The following KIAA1328 variants were observed in gnomAD, a reference collection of about 807,000 sequenced individuals.
The protein encoded by KIAA1328 is protein hinderin.
A neutral mutation model predicts 68.1 loss-of-function variants in KIAA1328; 52 were observed. The observed-to-expected ratio is 0.76, with a 90% CI of 0.61 to 0.96. The LOEUF is 0.96. Ranked by LOEUF, KIAA1328 falls within the 40% of genes least tolerant of loss-of-function variation. The pLI, the probability that KIAA1328 is intolerant of heterozygous loss-of-function variation, is 0.00. For synonymous variants in KIAA1328, 232 were observed against 239.4 expected, an observed-to-expected ratio of 0.97 and a Z score of 0.28; for missense variants, 641 against 677.6, an observed-to-expected ratio of 0.95 and a Z score of 0.60.
At chr18:36,985,944 A>G (rs550898349) in intron 6 of KIAA1328, among the ~76,000 whole-genome samples, 5 of 152,342 alleles carry the variant, frequency 3.3e-5, no homozygotes, top group African/African-American at 9.6e-5. Flanking sequence ...TACAATGACC[A>G]AAATTAAAAA....
chr18:37,074,386 T>C (rs557176724), intron 7 of KIAA1328, among the ~76,000 whole-genome samples: 6 of 152,292 alleles, frequency 3.9e-5, no homozygotes, highest in African/African-American at 1.4e-4. Context: ...TGTACAGGGG[T>C]AGACAGAAGT....
chr18:36,903,088 TA>T (rs906549959), intron 5 of KIAA1328, among the ~76,000 whole-genome samples: 1 of 151,992 alleles, frequency 6.6e-6, no homozygotes, highest in African/African-American at 2.4e-5. Flanking sequence ...TTCCTGACTT[TA>T]AAAAAATACA....
intron 5 of KIAA1328, among the ~76,000 whole-genome samples, chr18:36,920,268 G>A (rs1281809134): frequency 6.6e-6 from 1 of 152,144 alleles, no homozygotes; most frequent in East Asian, 1.9e-4. Flanking sequence ...TCCTGCATGT[G>A]GCTAGGCAGT....
At chr18:36,969,095 A>G (rs2052063559) in intron 6 of KIAA1328, among the ~76,000 whole-genome samples, 1 of 152,210 alleles carries the variant, frequency 6.6e-6, no homozygotes, top group Non-Finnish European at 1.5e-5. Flanking sequence ...ATGATTGAGA[A>G]CAAAGGTACA....
At chr18:37,179,199 C>T (rs959326993) in intron 9 of KIAA1328, among the ~76,000 whole-genome samples, 1 of 152,152 alleles carries the variant, frequency 6.6e-6, no homozygotes, top group African/African-American at 2.4e-5. Context: ...TCCATAGTTT[C>T]AGGACTTACA....
intron 5 of KIAA1328, among the ~76,000 whole-genome samples, chr18:36,932,530 T>G (rs1034067046): frequency 9.9e-5 from 15 of 152,208 alleles, no homozygotes; most frequent in Non-Finnish European, 1.8e-4. Flanking sequence ...GGCCAAGATT[T>G]TATTTAAGTA....
At chr18:36,859,415 A>C (rs1271192161) in intron 4 of KIAA1328, among the ~76,000 whole-genome samples, 1 of 150,740 alleles carries the variant, frequency 6.6e-6, no homozygotes, top group Admixed American at 6.6e-5. Flanking sequence ...AGTTGTTCAG[A>C]GTTGATTATT....
At chr18:37,114,078 C>T (rs1289004819) in intron 7 of KIAA1328, among the ~76,000 whole-genome samples, 1 of 152,210 alleles carries the variant, frequency 6.6e-6, no homozygotes, top group Non-Finnish European at 1.5e-5. Flanking sequence ...TAACAACCCA[C>T]TGTCAACATT....
chr18:37,064,359 T>C (rs1211814232), intron 6 of KIAA1328, among the ~76,000 whole-genome samples: 1 of 152,210 alleles, frequency 6.6e-6, no homozygotes, highest in Non-Finnish European at 1.5e-5. Flanking sequence ...GTTGATACTT[T>C]TTACCCATCA....
chr18:36,969,987 T>C (rs530668951), intron 6 of KIAA1328, among the ~76,000 whole-genome samples: 9 of 152,308 alleles, frequency 5.9e-5, no homozygotes, highest in South Asian at 2.1e-4. Flanking sequence ...TACCAAAACC[T>C]GGCAGAGACA....
In KIAA1328 at chr18:37,222,002, T is replaced by C; in HGVS notation, c.1524-15T>C. On this transcript the variant is annotated splice_polypyrimidine_tract_variant and intron_variant, in intron 9 of 9. Transcript: ENST00000280020. ...ATAATCTGATCCTTTCCTGTCTGGG[T>C]TATATGTCTTACAGGTATGAGACAT... 6.2e-7 allele frequency: 1 copy of C among 1,609,948 alleles called. No individual in the cohort carries two copies. Among genetic ancestry groups the C allele is most frequent in the Non-Finnish European group, 8.5e-7 (1 of 1,177,280 alleles).
chr18:37,203,561 C>G (rs2060154848), intron 9 of KIAA1328, among the ~76,000 whole-genome samples: 6 of 152,038 alleles, frequency 3.9e-5, no homozygotes, highest in Admixed American at 2.0e-4. Context: ...TCCTAGTAAC[C>G]CTAATTTTCA....
intron 4 of KIAA1328, 46 bp from the exon 5 acceptor site, chr18:36,885,511 A>T: frequency 3.4e-6 from 4 of 1,175,500 alleles, no homozygotes; most frequent in Non-Finnish European, 4.7e-6. Context: ...GCACATATTT[A>T]ATTTTATTCT....
intron 9 of KIAA1328, among the ~76,000 whole-genome samples, chr18:37,187,929 A>G (rs573795215): frequency 7.2e-5 from 11 of 152,328 alleles, no homozygotes; most frequent in Non-Finnish European, 1.3e-4. Flanking sequence ...CCTGGGACAC[A>G]TGACCTACCA....
At chr18:37,174,793 C>T (rs1159977319) in intron 9 of KIAA1328, among the ~76,000 whole-genome samples, 1 of 151,882 alleles carries the variant, frequency 6.6e-6, no homozygotes, top group Non-Finnish European at 1.5e-5. Flanking sequence ...CGGGGTTTCA[C>T]TGTGTTAGCC....
chr18:37,079,443 C>T lies in KIAA1328; in HGVS notation c.1232+11898C>T, dbSNP rs1215100234. Among the ~76,000 whole-genome samples the T allele has an allele frequency of 3.4e-5, 5 of 147,420 alleles. 1 individual carries two copies. The highest frequency in any genetic ancestry group is 2.0e-4 in the Admixed American group (3 of 14,740). On this transcript the variant is annotated intron_variant, in intron 7 of 9. Transcript: ENST00000280020. ...CATGTATACATATGTAACTAACCTG[C>T]ACATTGTGCACATGTACCCTAAAAC...
chr18:37,184,431 C>G (rs1024642612), intron 9 of KIAA1328, among the ~76,000 whole-genome samples: 1 of 152,186 alleles, frequency 6.6e-6, no homozygotes, highest in African/African-American at 2.4e-5. Context: ...ATCAGATATG[C>G]TTTGCTTAGC....
At position 37,160,348 on chromosome 18, in the gene KIAA1328, T is replaced by C. The variant is rs1178487587; in HGVS notation, c.1381T>C (p.Cys461Arg). The change falls in exon 8 of 10, where the codon TGT becomes CGT. Residue 461 changes from cysteine (C) to arginine (R), a missense_variant. By Grantham distance (180) the Cys-to-Arg change is radical. Coordinates refer to ENST00000280020, the MANE Select transcript of KIAA1328 (RefSeq NM_020776.3). ...SHMKDDAQWSCQKKDTCRPQR... is the reference protein window; with the variant it reads ...SHMKDDAQWSRQKKDTCRPQR... ...TATGAAAGATGATGCCCAGTGGTCA[T>C]GTCAAAAGAAAGATACATGTAGACC... 1 of 1,613,378 alleles carries C rather than the reference T, an allele frequency of 6.2e-7. No individual in the cohort carries two copies. The highest frequency in any genetic ancestry group is 1.3e-5 in the African/African-American group (1 of 74,896).
chr18:36,980,579 T>A (rs945826890), intron 6 of KIAA1328, among the ~76,000 whole-genome samples: 2 of 152,172 alleles, frequency 1.3e-5, no homozygotes, highest in South Asian at 2.1e-4. Context: ...TCTGGTGATT[T>A]TTTTACCGGC....
Sources: gnomAD v4.1 joint callset for allele counts (sites outside exome capture counted in the v4.1 genomes callset) on GRCh38, gnomAD v4.1.1 for gene constraint, MANE v1.5 for transcripts, NCBI Gene and HGNC (gene_info 2026-07-23, HGNC 2026-07-21) for gene names.